The following NXPH2 variants were observed in gnomAD, a reference collection of about 807,000 sequenced individuals.
NXPH2 encodes neurexophilin 2.
NXPH2 carries 5 observed loss-of-function variants against 19.8 expected under a neutral mutation model. That is an observed-to-expected ratio of 0.25 (90% CI 0.13 to 0.53). NXPH2 has a LOEUF of 0.53. NXPH2 is among the 20% of genes least tolerant of loss of function. The pLI is 0.96. For missense variants in NXPH2, 289 were observed against 322.8 expected (o/e 0.90, Z 0.80); for synonymous variants, 154 against 127.4 (o/e 1.21, Z -1.41).
intron 1 of NXPH2, among the ~76,000 whole-genome samples, chr2:138,751,438 C>T (rs543389588): frequency 1.3e-5 from 2 of 152,202 alleles, no homozygotes; most frequent in South Asian, 4.1e-4. Context: ...CTTTGAATTG[C>T]CTTTTATTAT....
chr2:138,758,995 T>A (rs1452468585), intron 1 of NXPH2, among the ~76,000 whole-genome samples: 1 of 152,136 alleles, frequency 6.6e-6, no homozygotes, highest in African/African-American at 2.4e-5. Context: ...TATAAAGCAA[T>A]TTGTGACCAG....
chr2:138,769,802 A>G (rs1051788313), intron 1 of NXPH2, among the ~76,000 whole-genome samples: 1 of 152,172 alleles, frequency 6.6e-6, no homozygotes, highest in Non-Finnish European at 1.5e-5. Flanking sequence ...TAACTTATCT[A>G]TGAAATTTGC....
chr2:138,763,261 C>T (rs548501955), intron 1 of NXPH2, among the ~76,000 whole-genome samples: 59 of 152,184 alleles, frequency 3.9e-4, no homozygotes, highest in Non-Finnish European at 7.4e-4. Context: ...AGAATAAACA[C>T]AAAATCAGAA....
At chr2:138,760,702 C>T (rs570333043) in intron 1 of NXPH2, among the ~76,000 whole-genome samples, 1 of 152,268 alleles carries the variant, frequency 6.6e-6, no homozygotes, top group African/African-American at 2.4e-5. Flanking sequence ...ACCTTAAACC[C>T]ATGGTATCTA....
intron 1 of NXPH2, among the ~76,000 whole-genome samples, chr2:138,693,109 T>A (rs1156269202): frequency 2.0e-5 from 3 of 152,316 alleles, no homozygotes; most frequent in South Asian, 2.1e-4. Context: ...TTTTCATGGT[T>A]TGTTCCATGA....
rs1325178037 is a variant in NXPH2 at position 138,670,398 on chromosome 2, C to G, written c.*524G>C. On this transcript the variant is annotated 3_prime_UTR_variant, in exon 2 of 2. Coordinates refer to ENST00000272641, the MANE Select transcript of NXPH2 (RefSeq NM_007226.3). ...ACATGAATTTTGAAACAAATTTTAC[C>G]TTTTTTTCTCTCATATCAATAACAG... Among the ~76,000 whole-genome samples, 3 of 152,076 alleles carry G rather than the reference C, an allele frequency of 2.0e-5. No individual in the cohort carries two copies. The highest frequency in any genetic ancestry group is 4.4e-5 in the Non-Finnish European group (3 of 68,028).
chr2:138,683,895 A>C (rs1290638110), intron 1 of NXPH2, among the ~76,000 whole-genome samples: 1 of 152,202 alleles, frequency 6.6e-6, no homozygotes, highest in Non-Finnish European at 1.5e-5. Flanking sequence ...TTCACAGTGT[A>C]TTGGGGATTT....
intron 1 of NXPH2, among the ~76,000 whole-genome samples, chr2:138,747,648 C>T (rs115079253): frequency 2.8e-3 from 426 of 152,280 alleles, no homozygotes; most frequent in African/African-American, 9.8e-3. Context: ...ACCATGCATA[C>T]GTGGTAGTGT....
intron 1 of NXPH2, among the ~76,000 whole-genome samples, chr2:138,757,700 T>A (rs1047514756): frequency 3.9e-5 from 6 of 152,114 alleles, no homozygotes; most frequent in Non-Finnish European, 8.8e-5. Flanking sequence ...ACCATCCCCA[T>A]AATAAATCTA....
intron 1 of NXPH2, among the ~76,000 whole-genome samples, chr2:138,736,147 G>A (rs894312912): frequency 1.3e-5 from 2 of 152,200 alleles, no homozygotes; most frequent in African/African-American, 2.4e-5. Context: ...GTCTGGTGGA[G>A]AGTGGCCCTC....
intron 1 of NXPH2, among the ~76,000 whole-genome samples, chr2:138,747,401 A>C (rs1681755740): frequency 6.6e-6 from 1 of 152,150 alleles, no homozygotes; most frequent in African/African-American, 2.4e-5. Flanking sequence ...CTTTGACACT[A>C]ACTGGATGGA....
intron 1 of NXPH2, among the ~76,000 whole-genome samples, chr2:138,767,456 T>G (rs1208295719): frequency 3.3e-5 from 5 of 152,142 alleles, no homozygotes; most frequent in African/African-American, 1.2e-4. Flanking sequence ...CAAATACCAT[T>G]TTTTTTATTT....
intron 1 of NXPH2, among the ~76,000 whole-genome samples, chr2:138,767,415 C>T (rs572670724): frequency 1.3e-5 from 2 of 152,252 alleles, no homozygotes; most frequent in African/African-American, 2.4e-5. Flanking sequence ...ATGGAGAGAG[C>T]AGTAGCTCCC....
chr2:138,749,643 A>C (rs1006073466), intron 1 of NXPH2, among the ~76,000 whole-genome samples: 15 of 152,196 alleles, frequency 9.9e-5, no homozygotes, highest in African/African-American at 3.6e-4. Context: ...AATAAAATAA[A>C]GATATTCAAG....
At chr2:138,718,793 C>CT (rs1681232512) in intron 1 of NXPH2, among the ~76,000 whole-genome samples, 2 of 152,150 alleles carry the variant, frequency 1.3e-5, no homozygotes, top group South Asian at 4.1e-4. Flanking sequence ...CCATTAATGC[C>CT]TTTTTAAAGT....
At chr2:138,729,118 C>T (rs570294065) in intron 1 of NXPH2, among the ~76,000 whole-genome samples, 6 of 146,770 alleles carry the variant, frequency 4.1e-5, no homozygotes, top group African/African-American at 1.3e-4. Context: ...TTCCCACTGT[C>T]TCCTTCTCCT....
At chr2:138,739,029 CTTCTAAA>C (rs1456719485) in intron 1 of NXPH2, among the ~76,000 whole-genome samples, 1 of 152,004 alleles carries the variant, frequency 6.6e-6, no homozygotes, top group African/African-American at 2.4e-5. Flanking sequence ...AGAGGGGAAA[CTTCTAAA>C]TACAACGAGT....
intron 1 of NXPH2, among the ~76,000 whole-genome samples, chr2:138,690,910 G>T (rs751437279): frequency 6.6e-6 from 1 of 152,228 alleles, no homozygotes; most frequent in Non-Finnish European, 1.5e-5. Flanking sequence ...CCAGAGAATA[G>T]GTGGGACCCT....
intron 1 of NXPH2, among the ~76,000 whole-genome samples, chr2:138,693,623 A>G (rs1680776176): frequency 6.6e-6 from 1 of 152,048 alleles, no homozygotes; most frequent in African/African-American, 2.4e-5. Flanking sequence ...TCTAGAAGCA[A>G]TAAACTATAA....
Sources: gnomAD v4.1 joint callset for allele counts (sites outside exome capture counted in the v4.1 genomes callset) on GRCh38, gnomAD v4.1.1 for gene constraint, MANE v1.5 for transcripts, NCBI Gene and HGNC (gene_info 2026-07-23, HGNC 2026-07-21) for gene names.